The following NPM1 variants were observed in gnomAD, a reference collection of about 807,000 sequenced individuals.
NPM1 encodes the protein nucleophosmin.
A neutral mutation model predicts 44.1 loss-of-function variants in NPM1; 1 was observed. The ratio of observed to expected loss-of-function variants is 0.02; its 90% CI spans 0.01 to 0.11. The LOEUF is 0.11. Ranked by LOEUF, NPM1 falls within the 10% of genes least tolerant of loss-of-function variation. The probability of loss-of-function intolerance (pLI) is 1.00; values close to 1 mark genes in which losing one functional copy is unlikely to be tolerated. For synonymous variants in NPM1, 126 were observed against 111.8 expected (o/e 1.13, Z -0.80); for missense variants, 197 against 347.8 (o/e 0.57, Z 3.45).
At chr5:171,410,331 T>G (rs1244672570) in intron 10 of NPM1, among the ~76,000 whole-genome samples, 196 bp from the exon 11 acceptor site, 2 of 152,264 alleles carry the variant, frequency 1.3e-5, no homozygotes, top group Non-Finnish European at 2.9e-5. Flanking sequence ...TGTTCACATT[T>G]TTATGACTGA....
At chr5:171,388,046 C>T (rs1462303814) in intron 1 of NPM1, 40 bp downstream of exon 1, 1 of 853,260 alleles carries the variant, frequency 1.2e-6, no homozygotes, top group African/African-American at 1.7e-5. Flanking sequence ...CGAGCGGGGC[C>T]TGGTGGCGGT....
intron 8 of NPM1, among the ~76,000 whole-genome samples, chr5:171,403,600 T>C (rs1771356217): frequency 9.0e-6 from 1 of 110,588 alleles, no homozygotes; most frequent in Non-Finnish European, 2.0e-5. Context: ...GAGGCGCCCC[T>C]CACCTCCCGG....
At chr5:171,394,485 T>C (rs536192962) in intron 6 of NPM1, among the ~76,000 whole-genome samples, 1 of 152,234 alleles carries the variant, frequency 6.6e-6, no homozygotes, top group African/African-American at 2.4e-5. Context: ...CTTTTTTTCT[T>C]GAGATGGTGT....
At chr5:171,388,617 G>C (rs969753428) in intron 1 of NPM1, among the ~76,000 whole-genome samples, 1 of 152,132 alleles carries the variant, frequency 6.6e-6, no homozygotes, top group Admixed American at 6.5e-5. Flanking sequence ...GGGTGTGGGC[G>C]CTACATCCGG....
At chr5:171,397,738 C>A (rs1214525080) in intron 6 of NPM1, among the ~76,000 whole-genome samples, 1 of 151,586 alleles carries the variant, frequency 6.6e-6, no homozygotes, top group East Asian at 1.9e-4. Context: ...TTCAGTGATC[C>A]ACCTCCCTCT....
intron 8 of NPM1, 21 bp from the exon 9 acceptor site, chr5:171,405,281 G>T: frequency 2.5e-6 from 3 of 1,215,646 alleles, no homozygotes; most frequent in East Asian, 2.3e-5. Flanking sequence ...ATGACCTTTT[G>T]GAAATTCATT....
Position 171,392,922 on chromosome 5 carries a change from A to G in NPM1, c.468A>G (p.Val156=). ...GGGSKVPQKK[V]KLAADEDDDD... is the part of the protein sequence containing the mutation. ...ATCTTTTCTTTTAAAAGAAAAAAGT[A>G]AAACTTGCTGCTGATGAAGATGATG... Residue 156 remains valine, a synonymous_variant, in exon 6 of 11, where the codon GTA becomes GTG. Transcript: ENST00000296930. 6.2e-7 allele frequency: 1 copy of G among 1,611,788 alleles called. No individual in the cohort carries two copies. Among genetic ancestry groups the G allele is most frequent in the South Asian group, 1.1e-5 (1 of 91,002 alleles).
intron 10 of NPM1, among the ~76,000 whole-genome samples, chr5:171,408,401 CG>C (rs1771671940): frequency 6.6e-6 from 1 of 152,102 alleles, no homozygotes; most frequent in South Asian, 2.1e-4. Flanking sequence ...TGTTAGGTAT[CG>C]TGTGGAGAAC....
At chr5:171,406,564 G>A in intron 9 of NPM1, 1 of 1,453,202 alleles carries the variant, frequency 6.9e-7, no homozygotes, top group Non-Finnish European at 9.1e-7. Flanking sequence ...GCCTCTTCAG[G>A]CTGGAAACAA....
intron 4 of NPM1, among the ~76,000 whole-genome samples, 167 bp downstream of exon 4, chr5:171,391,966 G>T (rs1416138699): frequency 6.9e-6 from 1 of 145,586 alleles, no homozygotes; most frequent in Non-Finnish European, 1.5e-5. Context: ...GCGGGGGGGA[G>T]AGGAAATCTT....
chr5:171,387,979 C>T lies in NPM1; in HGVS notation c.31C>T (p.Pro11Ser), dbSNP rs1278111812. 1 of 1,612,864 alleles carries T rather than the reference C, an allele frequency of 6.2e-7. No individual in the cohort carries two copies. Among genetic ancestry groups the T allele is most frequent in the Non-Finnish European group, 8.5e-7 (1 of 1,179,982 alleles). ...AGATTCGATGGACATGGACATGAGCCCCCTGAGGCCCCAGAACTATCTTTT... is the reference window on the plus strand; with the variant it reads ...AGATTCGATGGACATGGACATGAGCTCCCTGAGGCCCCAGAACTATCTTTT... MEDSMDMDMSPLRPQNYLFGC... is the reference protein window; with the variant it reads MEDSMDMDMSSLRPQNYLFGC... Residue 11 changes from proline (P) to serine (S), a missense_variant, in exon 1 of 11, where the codon CCC becomes TCC. By Grantham distance (74) the Pro-to-Ser change is moderately conservative. Coordinates refer to ENST00000296930, the MANE Select transcript of NPM1 (RefSeq NM_002520.7).
At position 171,394,408 on chromosome 5, in the gene NPM1, G is replaced by A. The variant is rs547214692; in HGVS notation, c.524+1430G>A. Among the ~76,000 whole-genome samples the A allele has an allele frequency of 2.4e-4, 36 of 151,988 alleles. No homozygotes were observed. The South Asian group carries it at 6.3e-3, about 26-fold the overall frequency. On this transcript the variant is annotated intron_variant, in intron 6 of 10. Coordinates refer to ENST00000296930, the MANE Select transcript of NPM1 (RefSeq NM_002520.7). ...AGGCTATTCTCAAACTCCTAACCTC[G>A]GGCGATCTGGTCACCTCATCCTCCC...
chr5:171,406,435 C>A (rs202141313), intron 9 of NPM1: 1 of 1,612,408 alleles, frequency 6.2e-7, no homozygotes, highest in East Asian at 2.2e-5. Context: ...GTAAATTAAG[C>A]CCAAAGATGG....
At chr5:171,399,679 TTTAA>T in intron 6 of NPM1, among the ~76,000 whole-genome samples, 1 of 101,444 alleles carries the variant, frequency 9.9e-6, no homozygotes. Flanking sequence ...TATTTAGGTC[TTTAA>T]TTTTTTTTTT....
At chr5:171,388,430 G>A (rs918125012) in intron 1 of NPM1, among the ~76,000 whole-genome samples, 2 of 152,226 alleles carry the variant, frequency 1.3e-5, no homozygotes, top group African/African-American at 4.8e-5. Flanking sequence ...GGGCCTGCTT[G>A]TTGGAGCGGG....
Position 171,400,914 on chromosome 5 carries a change from C to G in NPM1, c.658C>G (p.Pro220Ala). 1.2e-6 allele frequency: 2 copies of G among 1,609,014 alleles called. No individual in the cohort carries two copies. The highest frequency in any genetic ancestry group is 1.7e-6 in the Non-Finnish European group (2 of 1,177,098). Residue 220 changes from proline (P) to alanine (A), a missense_variant, in exon 8 of 11, where the codon CCA becomes GCA. Around this residue, in one of 5 missense-constraint regions of NPM1, gnomAD observed 47 missense variants for 106.5 expected, o/e 0.44. Coordinates refer to ENST00000296930, the MANE Select transcript of NPM1 (RefSeq NM_002520.7). ...NGKDSKPSST[P>A]RSKGQESFKK... ...AAAAGACTCAAAACCATCATCAACA[C>G]CAAGATCAAAAGTAAGTGGCTACAT...
In NPM1 at chr5:171,405,239, A is replaced by G. The variant is rs11134698; in HGVS notation, c.670-63A>G. The G allele has an allele frequency of 0.4, 304,777 of 761,972 alleles. 61,802 individuals are homozygous for G. Among genetic ancestry groups the G allele is most frequent in the East Asian group, 0.55 (20,736 of 37,992 alleles). 47.2% of individuals were successfully genotyped at this position (761,972 alleles called of 1,614,324 possible). A position where few individuals can be genotyped will look rare whatever the true frequency, so the allele number is the denominator to read the frequency against. ...GAATATTTGAGGAAATCCAGATAGAATGGGTTTTAATTAGGAATTGTATTT... is the reference window on the plus strand; with the variant it reads ...GAATATTTGAGGAAATCCAGATAGAGTGGGTTTTAATTAGGAATTGTATTT... On this transcript the variant is annotated intron_variant, in intron 8 of 10. Coordinates refer to ENST00000296930, the MANE Select transcript of NPM1 (RefSeq NM_002520.7).
intron 6 of NPM1, among the ~76,000 whole-genome samples, chr5:171,395,288 C>A (rs1229572956): frequency 7.0e-6 from 1 of 142,476 alleles, no homozygotes; most frequent in South Asian, 2.2e-4. Context: ...CAAATCAGTA[C>A]CTGGTTTTTT....
chr5:171,407,511 G>C (rs940088749), intron 9 of NPM1, 189 bp from the exon 10 acceptor site: 5 of 584,276 alleles, frequency 8.6e-6, no homozygotes, highest in Non-Finnish European at 1.2e-5. Context: ...TGTTTGAATA[G>C]AGATACTAGC....
Sources: gnomAD v4.1 joint callset for allele counts (sites outside exome capture counted in the v4.1 genomes callset) on GRCh38, gnomAD v4.1.1 for gene constraint, gnomAD v4.1.1 regional missense constraint, MANE v1.5 for transcripts, NCBI Gene and HGNC (gene_info 2026-07-23, HGNC 2026-07-21) for gene names.